ZNF407: variants seen among roughly 807,000 people sequenced by gnomAD.
ZNF407 encodes the protein zinc finger protein 407.
ZNF407 carries 17 observed loss-of-function variants against 131.2 expected under a neutral mutation model. The observed-to-expected ratio is 0.13, with a 90% CI of 0.09 to 0.19. The LOEUF (loss-of-function observed/expected upper bound fraction) is 0.19, where lower values mean the gene tolerates loss of function less well. Among genes scored for constraint, ZNF407 ranks in the 10% least tolerant of loss-of-function variants. The probability of loss-of-function intolerance (pLI) is 1.00; values close to 1 mark genes in which losing one functional copy is unlikely to be tolerated. For missense variants in ZNF407, 2,681 were observed against 2,830.6 expected (o/e 0.95, Z 1.20); for synonymous variants, 1,156 against 1,062.0 (o/e 1.09, Z -1.72).
chr18:74,967,640 G>C (rs1329770832), intron 8 of ZNF407, among the ~76,000 whole-genome samples: 1 of 152,146 alleles, frequency 6.6e-6, no homozygotes, highest in East Asian at 1.9e-4. Flanking sequence ...CTATGTGCAT[G>C]CTCATTAGCA....
intron 8 of ZNF407, among the ~76,000 whole-genome samples, chr18:75,018,090 TA>T (rs1973066152): frequency 6.6e-6 from 1 of 152,200 alleles, no homozygotes; most frequent in Non-Finnish European, 1.5e-5. Context: ...ACAATAGAAT[TA>T]TGTGAACAAC....
intron 3 of ZNF407, among the ~76,000 whole-genome samples, chr18:74,672,486 T>A (rs565731109): frequency 6.6e-6 from 1 of 150,942 alleles, no homozygotes; most frequent in Non-Finnish European, 1.5e-5. Context: ...GCACCGTTTG[T>A]CTGTTCGTTG....
rs145997872 is a variant in ZNF407, at chr18:74,863,745, A to C, written c.4878-13452A>C. Among the ~76,000 whole-genome samples the C allele has an allele frequency of 2.3e-4, 35 of 152,286 alleles. No homozygotes were observed. The East Asian group carries it at 6.8e-3, about 29-fold the overall frequency. On this transcript the variant is annotated intron_variant, in intron 4 of 8. Transcript: ENST00000299687. Reference sequence around the variant, plus strand: ...TTCTAGTCTCACAATTTTAGATGAGACTTTTCAGTTTAATAATTGAGCACC... The same window carrying C: ...TTCTAGTCTCACAATTTTAGATGAGCCTTTTCAGTTTAATAATTGAGCACC...
At chr18:74,813,733 C>T (rs539437685) in intron 4 of ZNF407, among the ~76,000 whole-genome samples, 1 of 152,118 alleles carries the variant, frequency 6.6e-6, no homozygotes, top group African/African-American at 2.4e-5. Flanking sequence ...TCCTCTAATT[C>T]GTCTTGTTCT....
rs553445821 is a variant in ZNF407, at chr18:74,868,040, G to A, written c.4878-9157G>A. ...TTTTGGTTTATGGATAAAATCCATCGTAGTTATATTTGTTAATTCATTCTA... is the reference window on the plus strand; with the variant it reads ...TTTTGGTTTATGGATAAAATCCATCATAGTTATATTTGTTAATTCATTCTA... On this transcript the variant is annotated intron_variant, in intron 4 of 8. Transcript: ENST00000299687. 6.6e-5 allele frequency among the ~76,000 whole-genome samples: 10 copies of A among 152,142 alleles called. No homozygotes were observed. The East Asian group carries it at 9.6e-4, about 15-fold the overall frequency.
chr18:75,006,602 C>T (rs1270833507), intron 8 of ZNF407, among the ~76,000 whole-genome samples: 1 of 152,116 alleles, frequency 6.6e-6, no homozygotes, highest in Non-Finnish European at 1.5e-5. Flanking sequence ...AATATAATTG[C>T]ACTGTAGCCA....
At chr18:74,833,003 G>A (rs531554128) in intron 4 of ZNF407, among the ~76,000 whole-genome samples, 3 of 152,304 alleles carry the variant, frequency 2.0e-5, no homozygotes, top group East Asian at 3.9e-4. Context: ...ACCTACACTG[G>A]TGGTGTTCCA....
At chr18:74,667,960 T>G (rs1020971583) in intron 3 of ZNF407, among the ~76,000 whole-genome samples, 5 of 152,194 alleles carry the variant, frequency 3.3e-5, no homozygotes, top group Non-Finnish European at 7.3e-5. Context: ...CTTTGAGAAA[T>G]TCACTGAAGC....
intron 8 of ZNF407, among the ~76,000 whole-genome samples, chr18:74,927,361 A>G (rs1004715102): frequency 1.3e-5 from 2 of 152,246 alleles, no homozygotes; most frequent in East Asian, 3.8e-4. Context: ...GAAGCCTTAA[A>G]AATTTAGAGC....
At chr18:74,725,055 G>T (rs569953599) in intron 3 of ZNF407, among the ~76,000 whole-genome samples, 4 of 152,172 alleles carry the variant, frequency 2.6e-5, no homozygotes, top group Non-Finnish European at 5.9e-5. Context: ...TTTATGTCAC[G>T]CATGTTCCTA....
chr18:74,602,601 G>A (rs1046257934), intron 1 of ZNF407, among the ~76,000 whole-genome samples: 18 of 152,170 alleles, frequency 1.2e-4, no homozygotes, highest in African/African-American at 3.9e-4. Flanking sequence ...AATCTTTTGA[G>A]GTATATACTA....
intron 8 of ZNF407, among the ~76,000 whole-genome samples, chr18:75,034,783 G>A (rs1973288458): frequency 1.3e-5 from 2 of 152,156 alleles, no homozygotes; most frequent in African/African-American, 4.8e-5. Context: ...GGCACATAAT[G>A]CTATTGTGTA....
chr18:74,786,791 A>AGGTTTT lies in ZNF407; in HGVS notation c.4877+5289_4877+5290insGGTTTT, dbSNP rs1969722911. Among the ~76,000 whole-genome samples, 10 of 77,724 alleles carry AGGTTTT rather than the reference A, an allele frequency of 1.3e-4. 4 individuals carry two copies. The highest frequency in any genetic ancestry group is 3.5e-4 in the African/African-American group (8 of 22,730). 51.0% of individuals were successfully genotyped at this position (77,724 alleles called of 152,430 possible). A position where few individuals can be genotyped will look rare whatever the true frequency, so the allele number is the denominator to read the frequency against. On this transcript the variant is annotated intron_variant, in intron 4 of 8. Coordinates refer to ENST00000299687, the MANE Select transcript of ZNF407 (RefSeq NM_017757.3). ...TTAATTGGTTTTAATGTAAAAAAGT[A>AGGTTTT]TGTTTTTTTTTTTTTTTTTTTTTTT... is the stretch of plus-strand genomic sequence containing the variant.
At chr18:74,665,852 T>A (rs1439798071) in intron 3 of ZNF407, among the ~76,000 whole-genome samples, 1 of 152,192 alleles carries the variant, frequency 6.6e-6, no homozygotes, top group Non-Finnish European at 1.5e-5. Context: ...AATCATTCAC[T>A]TGGTTTTCTT....
At chr18:74,849,890 A>G (rs757701142) in intron 4 of ZNF407, among the ~76,000 whole-genome samples, 1 of 152,200 alleles carries the variant, frequency 6.6e-6, no homozygotes, top group Non-Finnish European at 1.5e-5. Context: ...CTAACAAAAC[A>G]TTTTGTTTTT....
chr18:74,726,096 T>C (rs932496159), intron 3 of ZNF407, among the ~76,000 whole-genome samples: 1 of 152,328 alleles, frequency 6.6e-6, no homozygotes, highest in South Asian at 2.1e-4. Context: ...AGTGTATTTT[T>C]AGAGCCACTT....
intron 1 of ZNF407, among the ~76,000 whole-genome samples, chr18:74,629,005 G>A (rs917554198): frequency 2.7e-4 from 41 of 152,294 alleles, no homozygotes; most frequent in African/African-American, 9.4e-4. Context: ...AATAAGTACT[G>A]CAGTCAGCAT....
intron 6 of ZNF407, among the ~76,000 whole-genome samples, chr18:74,883,799 G>A (rs1971271381): frequency 6.6e-6 from 1 of 152,216 alleles, no homozygotes; most frequent in African/African-American, 2.4e-5. Context: ...TGGGGCCTGA[G>A]ATGCAGTATG....
At chr18:74,937,841 G>A (rs898212733) in intron 8 of ZNF407, among the ~76,000 whole-genome samples, 2 of 152,124 alleles carry the variant, frequency 1.3e-5, no homozygotes, top group African/African-American at 4.8e-5. Flanking sequence ...ATTTAATTAT[G>A]TAACCATATT....
Sources: allele counts gnomAD v4.1 joint callset (sites outside exome capture counted in the v4.1 genomes callset), GRCh38; gene constraint gnomAD v4.1.1; transcripts MANE v1.5; gene names NCBI Gene and HGNC (gene_info 2026-07-23, HGNC 2026-07-21).